Variants in RELN observed in about 807,000 individuals in gnomAD.
RELN encodes reelin.
A neutral mutation model predicts 427.6 loss-of-function variants in RELN; 108 were observed. The ratio of observed to expected loss-of-function variants is 0.25; its 90% CI spans 0.22 to 0.30. The LOEUF is 0.30. Among genes scored for constraint, RELN ranks in the 10% least tolerant of loss-of-function variants. The pLI is 1.00. For missense variants in RELN, 3,715 were observed against 4,302.8 expected, an observed-to-expected ratio of 0.86 and a Z score of 3.82; for synonymous variants, 1,524 against 1,513.4, an observed-to-expected ratio of 1.01 and a Z score of -0.16.
intron 3 of RELN, among the ~76,000 whole-genome samples, chr7:103,832,906 T>G (rs1283530558): frequency 6.6e-6 from 1 of 152,152 alleles, no homozygotes; most frequent in Non-Finnish European, 1.5e-5. Context: ...CTTATAGCAT[T>G]TTGTAACCCG....
intron 64 of RELN, among the ~76,000 whole-genome samples, chr7:103,477,824 G>A (rs1432469885): frequency 6.6e-6 from 1 of 152,146 alleles, no homozygotes; most frequent in African/African-American, 2.4e-5. Flanking sequence ...TATATTAAAA[G>A]TGGCCAATCT....
chr7:103,560,744 A>C (rs192669827), intron 36 of RELN, among the ~76,000 whole-genome samples: 1 of 152,160 alleles, frequency 6.6e-6, no homozygotes, highest in Non-Finnish European at 1.5e-5. Context: ...CTCAGGCCCT[A>C]TGCATTTCTT....
At chr7:103,705,891 G>A (rs1834188361) in intron 8 of RELN, among the ~76,000 whole-genome samples, 1 of 152,168 alleles carries the variant, frequency 6.6e-6, no homozygotes, top group Non-Finnish European at 1.5e-5. Flanking sequence ...CTAGACAACA[G>A]TTATTGGTGC....
At chr7:103,855,397 G>C (rs546736417) in intron 2 of RELN, among the ~76,000 whole-genome samples, 23 of 152,332 alleles carry the variant, frequency 1.5e-4, no homozygotes, top group African/African-American at 4.6e-4. Context: ...CACTGGAAAT[G>C]TGTGTATGTG....
chr7:103,914,858 T>A (rs550437208), intron 2 of RELN, among the ~76,000 whole-genome samples: 22 of 152,166 alleles, frequency 1.4e-4, no homozygotes, highest in Non-Finnish European at 2.8e-4. Context: ...TATCAGAATT[T>A]TTAACCACAG....
rs772114071 is a variant in RELN, at chr7:103,596,583, C to T, written c.3412G>A (p.Gly1138Arg). 1.3e-5 allele frequency: 21 copies of T among 1,613,920 alleles called. No individual in the cohort carries two copies. In the Middle Eastern group the frequency reaches 4.9e-4, roughly 38 times the overall value. Residue 1138 changes from glycine (G) to arginine (R), a missense_variant, in exon 25 of 65, where the codon GGA (glycine) becomes AGA (arginine). This residue lies in a region of RELN where 2,208 missense variants were observed against 2,361.7 expected (regional missense o/e 0.93). Transcript: ENST00000428762. ...DFVQFYIQIGGESASCNKPDS... is the reference protein window; with the variant it reads ...DFVQFYIQIGRESASCNKPDS... Reference sequence around the variant, plus strand: ...GGCTTGTTGCATGAAGCACTCTCTCCGCCTATCTGGATGTAGAACTGGACA... The same window carrying T: ...GGCTTGTTGCATGAAGCACTCTCTCTGCCTATCTGGATGTAGAACTGGACA...
chr7:103,503,266 C>T (rs1334022288), intron 51 of RELN, 36 bp from the exon 52 acceptor site: 1 of 1,585,694 alleles, frequency 6.3e-7, no homozygotes, highest in South Asian at 1.1e-5. Flanking sequence ...GGTATTAAAA[C>T]TATATGATAT....
chr7:103,982,323 GCT>G (rs1178965647), intron 1 of RELN, among the ~76,000 whole-genome samples: 13 of 152,124 alleles, frequency 8.5e-5, no homozygotes, highest in Admixed American at 6.5e-5. Context: ...CTCCCTTGCA[GCT>G]CCATGTAATT....
chr7:103,764,255 G>A (rs529887245), intron 4 of RELN, among the ~76,000 whole-genome samples: 7 of 152,244 alleles, frequency 4.6e-5, no homozygotes, highest in African/African-American at 1.7e-4. Flanking sequence ...ACCTTATGAT[G>A]TTCCTTCTGG....
At chr7:103,528,484 GTTT>G (rs35464860) in intron 46 of RELN, among the ~76,000 whole-genome samples, 1 of 148,706 alleles carries the variant, frequency 6.7e-6, no homozygotes, top group Admixed American at 6.6e-5. Flanking sequence ...AACCCTGTGG[GTTT>G]TTTTTTTTAT....
chr7:103,911,311 C>T (rs1795360239), intron 2 of RELN, among the ~76,000 whole-genome samples: 1 of 150,800 alleles, frequency 6.6e-6, no homozygotes, highest in Non-Finnish European at 1.5e-5. Flanking sequence ...GAGATACCAT[C>T]TCACACCAGT....
At chr7:103,732,734 G>A (rs1000843058) in intron 6 of RELN, among the ~76,000 whole-genome samples, 1 of 152,122 alleles carries the variant, frequency 6.6e-6, no homozygotes, top group Non-Finnish European at 1.5e-5. Context: ...TGCTCTTTCA[G>A]TCCTACCCTC....
chr7:103,481,109 T>C (rs1284709690), intron 63 of RELN, among the ~76,000 whole-genome samples: 4 of 152,186 alleles, frequency 2.6e-5, no homozygotes, highest in Admixed American at 6.5e-5. Context: ...CTGTTTCCAA[T>C]ATGTGAAGGG....
intron 16 of RELN, among the ~76,000 whole-genome samples, chr7:103,644,026 A>G (rs1379844640): frequency 1.3e-5 from 2 of 151,972 alleles, no homozygotes; most frequent in Non-Finnish European, 2.9e-5. Flanking sequence ...ATGAACTCAT[A>G]GAGAGTCTTT....
At chr7:103,842,370 C>T (rs1446348937) in intron 2 of RELN, among the ~76,000 whole-genome samples, 2 of 152,064 alleles carry the variant, frequency 1.3e-5, no homozygotes, top group Non-Finnish European at 2.9e-5. Context: ...CCTCTTTAAT[C>T]TGTTAATTCA....
intron 11 of RELN, among the ~76,000 whole-genome samples, chr7:103,664,546 C>T (rs1194105075): frequency 1.3e-5 from 2 of 152,106 alleles, no homozygotes; most frequent in African/African-American, 4.8e-5. Flanking sequence ...TGCTGGGCAA[C>T]GTGGTACTTC....
intron 2 of RELN, among the ~76,000 whole-genome samples, chr7:103,837,181 T>A (rs1793430766): frequency 6.6e-6 from 1 of 152,218 alleles, no homozygotes; most frequent in Non-Finnish European, 1.5e-5. Context: ...TCAGGATTAC[T>A]CTTCACAGGT....
intron 8 of RELN, among the ~76,000 whole-genome samples, chr7:103,708,386 T>C (rs1283188897): frequency 2.0e-5 from 3 of 151,700 alleles, no homozygotes; most frequent in South Asian, 4.2e-4. Context: ...CCTTTCTCAC[T>C]TAAGAAGTAA....
chr7:103,935,884 C>T (rs1795970945), intron 1 of RELN, among the ~76,000 whole-genome samples: 2 of 152,110 alleles, frequency 1.3e-5, no homozygotes, highest in African/African-American at 2.4e-5. Context: ...CAGTATTCCC[C>T]ACCTCCCTGT....
Sources: gnomAD v4.1 joint callset for allele counts (sites outside exome capture counted in the v4.1 genomes callset) on GRCh38, gnomAD v4.1.1 for gene constraint, gnomAD v4.1.1 regional missense constraint, MANE v1.5 for transcripts, NCBI Gene and HGNC (gene_info 2026-07-23, HGNC 2026-07-21) for gene names.